MMP17: variants seen among roughly 807,000 people sequenced by gnomAD.
MMP17 encodes matrix metallopeptidase 17.
A neutral mutation model predicts 49.1 loss-of-function variants in MMP17; 54 were observed. The observed-to-expected ratio is 1.10, with a 90% confidence interval of 0.88 to 1.38. The LOEUF is 1.38. Ranked by LOEUF, MMP17 falls within the 40% of genes most tolerant of loss-of-function variation. The pLI, the probability that MMP17 is intolerant of heterozygous loss-of-function variation, is 0.00. For synonymous variants in MMP17, 397 were observed against 383.1 expected (o/e 1.04, Z -0.42); for missense variants, 837 against 853.7 (o/e 0.98, Z 0.24).
At chr12:131,840,255 A>T in intron 3 of MMP17, 1 of 301,298 alleles carries the variant, frequency 3.3e-6, no homozygotes, top group Non-Finnish European at 6.2e-6. Flanking sequence ...TTCAGTGGGG[A>T]GCAGGGGGAT....
chr12:131,838,802 G>A lies in MMP17; in HGVS notation c.422+61G>A. 12 of 1,510,088 alleles carry A rather than the reference G, an allele frequency of 7.9e-6. No homozygotes were observed. In the South Asian group the frequency reaches 1.3e-4, roughly 16 times the overall value. 93.5% of individuals were successfully genotyped at this position (1,510,088 alleles called of 1,614,324 possible). A position where few individuals can be genotyped will look rare whatever the true frequency, so the allele number is the denominator to read the frequency against. Reference sequence around the variant, plus strand: ...GTGGAGGTGGGCGCGTGGCCAGGGTGAGGAACGGGGTCTCCGTGGAGGTGG... The same window carrying A: ...GTGGAGGTGGGCGCGTGGCCAGGGTAAGGAACGGGGTCTCCGTGGAGGTGG... On this transcript the variant is annotated intron_variant, in intron 3 of 9. Transcript: ENST00000360564.
At chr12:131,849,720 C>G in intron 8 of MMP17, 82 bp from the exon 9 acceptor site, 1 of 1,506,742 alleles carries the variant, frequency 6.6e-7, no homozygotes, top group Admixed American at 2.1e-5. Context: ...GGGCGGCTGA[C>G]ACAGGAGAAG....
rs746658451 is a variant in MMP17, at chr12:131,851,090, G to T, written c.1628G>T (p.Arg543Leu). The T allele has an allele frequency of 6.2e-7, 1 of 1,602,746 alleles. No homozygotes were observed. The change falls in exon 10 of 10, where the codon CGC (arginine) becomes CTC (leucine). Residue 543 changes from arginine to leucine, a missense_variant. Arg to Leu is a moderately radical substitution (Grantham distance 102). Coordinates refer to ENST00000360564, the MANE Select transcript of MMP17 (RefSeq NM_016155.7). ...AAGVDAAEGP[R>L]APPGQHDQSR... is the part of the protein sequence containing the mutation. The stretch of plus-strand genomic sequence containing the variant: ...GGCGTGGACGCGGCAGAGGGGCCCC[G>T]CGCCCCTCCAGGACAACATGACCAG...
At position 131,840,839 on chromosome 12, in the gene MMP17, G is replaced by C; in HGVS notation, c.689G>C (p.Trp230Ser). 1 of 1,602,494 alleles carries C rather than the reference G, an allele frequency of 6.2e-7. No homozygotes were observed. Among genetic ancestry groups the C allele is most frequent in the Non-Finnish European group, 8.5e-7 (1 of 1,176,148 alleles). The change falls in exon 4 of 10, where the codon TGG becomes TCG. Residue 230 changes from tryptophan (W) to serine (S), a missense_variant. Transcript: ENST00000360564. ...ACCCACTTTGACGATGACGAGGCCT[G>C]GACCTTCCGCTCCTCGGGTGCGTCT... ...GDTHFDDDEAWTFRSSDAHGM... is the reference protein window; with the variant it reads ...GDTHFDDDEASTFRSSDAHGM...
In MMP17 at chr12:131,841,627, C is replaced by T; in HGVS notation, c.710C>T (p.Ala237Val). Residue 237 changes from alanine to valine, a missense_variant, in exon 5 of 10, where the codon GCC becomes GTC. Transcript: ENST00000360564. ...ACATGGCTCCCTGTGTCCCCAGATG[C>T]CCACGGGATGGACCTGTTTGCAGTG... The part of the protein sequence containing the change: ...DEAWTFRSSD[A>V]HGMDLFAVAV... The T allele has an allele frequency of 1.2e-6, 2 of 1,614,018 alleles. No individual in the cohort carries two copies. Among genetic ancestry groups the T allele is most frequent in the Non-Finnish European group, 1.7e-6 (2 of 1,180,014 alleles).
Position 131,840,607 on chromosome 12 carries a change from C to T in MMP17, c.457C>T (p.His153Tyr), listed in dbSNP as rs1384930168. 1 of 1,602,478 alleles carries T rather than the reference C, an allele frequency of 6.2e-7. No homozygotes were observed. The highest frequency in any genetic ancestry group is 8.5e-7 in the Non-Finnish European group (1 of 1,174,766). ...GTTCCCACGGGACTCACCACTGGGG[C>T]ACGACACGGTGCGTGCACTCATGTA... ...RTFPRDSPLG[H>Y]DTVRALMYYA... is the part of the protein sequence containing the mutation. The change falls in exon 4 of 10, where the codon CAC becomes TAC. Residue 153 changes from histidine (H) to tyrosine (Y), a missense_variant. Coordinates refer to ENST00000360564, the MANE Select transcript of MMP17 (RefSeq NM_016155.7).
intron 8 of MMP17, 84 bp downstream of exon 8, chr12:131,845,533 G>A: frequency 6.8e-7 from 1 of 1,460,074 alleles, no homozygotes; most frequent in Non-Finnish European, 9.0e-7. Context: ...CAGCCTGCGT[G>A]TAAGCCCTAC....
Position 131,841,697 on chromosome 12 carries a change from C to G in MMP17, c.780C>G (p.Ala260=). The G allele has an allele frequency of 6.2e-7, 1 of 1,614,024 alleles. No individual in the cohort carries two copies. ...FGHAIGLSHV[A]AAHSIMRPYY... Reference sequence around the variant, plus strand: ...ACGCCATTGGGTTAAGCCATGTGGCCGCTGCACACTCCATCATGCGGCCGT... The same window carrying G: ...ACGCCATTGGGTTAAGCCATGTGGCGGCTGCACACTCCATCATGCGGCCGT... Residue 260 remains alanine (A), a synonymous_variant, in exon 5 of 10, where the codon GCC becomes GCG. Transcript: ENST00000360564.
At chr12:131,844,496 G>C in intron 6 of MMP17, 1 of 267,774 alleles carries the variant, frequency 3.7e-6, no homozygotes, top group Non-Finnish European at 7.1e-6. Context: ...CAACTGGGAC[G>C]GCCACTGGGG....
intron 8 of MMP17, among the ~76,000 whole-genome samples, chr12:131,848,943 G>A (rs1887838301): frequency 6.6e-6 from 1 of 152,224 alleles, no homozygotes; most frequent in Non-Finnish European, 1.5e-5. Flanking sequence ...GGGAATGCTG[G>A]ATCACGTGGT....
intron 1 of MMP17, among the ~76,000 whole-genome samples, chr12:131,832,814 G>A (rs971456798): frequency 2.0e-5 from 3 of 151,958 alleles, no homozygotes; most frequent in African/African-American, 4.8e-5. Flanking sequence ...TCTCCACCCC[G>A]CCCCCTGACT....
At chr12:131,843,897 G>C in intron 5 of MMP17, 100 bp from the exon 6 acceptor site, 1 of 825,300 alleles carries the variant, frequency 1.2e-6, no homozygotes. Context: ...TGTCTGCTGA[G>C]TGGCCTCGGT....
intron 8 of MMP17, among the ~76,000 whole-genome samples, 180 bp downstream of exon 8, chr12:131,845,629 G>A (rs866053817): frequency 4.6e-5 from 7 of 152,182 alleles, no homozygotes; most frequent in African/African-American, 7.2e-5. Context: ...TGTATGCCCC[G>A]TCCTGAGGCA....
At chr12:131,837,220 G>A (rs1225782332) in intron 1 of MMP17, among the ~76,000 whole-genome samples, 3 of 152,244 alleles carry the variant, frequency 2.0e-5, no homozygotes, top group African/African-American at 4.8e-5. Context: ...GCCCAGAGGG[G>A]TGGACTGCCT....
In MMP17 at chr12:131,841,631, C is replaced by T. The variant is rs764549950; in HGVS notation, c.714C>T (p.His238=). 2.0e-5 allele frequency: 32 copies of T among 1,613,908 alleles called. No individual in the cohort carries two copies. The South Asian group carries it at 2.6e-4, about 13-fold the overall frequency. The change falls in exon 5 of 10, where the codon CAC becomes CAT. Residue 238 remains histidine (H), a synonymous_variant. Transcript: ENST00000360564. ...GGCTCCCTGTGTCCCCAGATGCCCA[C>T]GGGATGGACCTGTTTGCAGTGGCTG... ...EAWTFRSSDA[H]GMDLFAVAVH...
In MMP17 at chr12:131,845,322, G is replaced by A. The variant is rs1192823451; in HGVS notation, c.1077G>A (p.Arg359=). Residue 359 remains arginine (R), a synonymous_variant, in exon 8 of 10, where the codon CGG becomes CGA. Coordinates refer to ENST00000360564, the MANE Select transcript of MMP17 (RefSeq NM_016155.7). ...GCAAGTACTTCTGGCGGCTGACGCGGGACCGGCACCTGGTGTCCCTGCAGC... is the reference window on the plus strand; with the variant it reads ...GCAAGTACTTCTGGCGGCTGACGCGAGACCGGCACCTGGTGTCCCTGCAGC... ...FKGKYFWRLT[R]DRHLVSLQPA... is the part of the protein sequence containing the mutation. The A allele has an allele frequency of 1.4e-5, 22 of 1,606,214 alleles. No individual in the cohort carries two copies. Among genetic ancestry groups the A allele is most frequent in the Non-Finnish European group, 2.6e-6 (3 of 1,175,610 alleles).
chr12:131,844,967 A>C, intron 6 of MMP17, 151 bp from the exon 7 acceptor site: 2 of 687,266 alleles, frequency 2.9e-6, no homozygotes, highest in Non-Finnish European at 4.9e-6. Context: ...CCCCCGTTTT[A>C]ATTTGCCTTT....
At chr12:131,844,781 C>G (rs1310989399) in intron 6 of MMP17, 3 of 352,204 alleles carry the variant, frequency 8.5e-6, no homozygotes, top group Non-Finnish European at 1.6e-5. Flanking sequence ...ATTCTAGGCC[C>G]GGGCTTGGGG....
chr12:131,841,576 G>T, intron 4 of MMP17, 48 bp from the exon 5 acceptor site: 1 of 1,602,954 alleles, frequency 6.2e-7, no homozygotes, highest in Non-Finnish European at 8.5e-7. Flanking sequence ...TCCCCGCGGG[G>T]ACAGGGCCCT....
Sources: allele counts gnomAD v4.1 joint callset (sites outside exome capture counted in the v4.1 genomes callset), GRCh38; gene constraint gnomAD v4.1.1; transcripts MANE v1.5; gene names NCBI Gene and HGNC (gene_info 2026-07-23, HGNC 2026-07-21).